PAM: variants seen among roughly 807,000 people sequenced by gnomAD.
PAM encodes peptidyl-glycine alpha-amidating monooxygenase.
In PAM, 72 loss-of-function variants were observed where a neutral mutation model predicts 122.1. The observed-to-expected ratio is 0.59, with a 90% CI of 0.49 to 0.72. PAM has a LOEUF of 0.72. PAM is among the 30% of genes least tolerant of loss of function. The pLI, the probability that PAM is intolerant of heterozygous loss-of-function variation, is 0.00. For missense variants in PAM, 1,106 were observed against 1,183.7 expected (o/e 0.93, Z 0.96); for synonymous variants, 389 against 404.4 (o/e 0.96, Z 0.46).
At chr5:102,857,420 A>T (rs1213022571) in intron 1 of PAM, among the ~76,000 whole-genome samples, 1 of 152,188 alleles carries the variant, frequency 6.6e-6, no homozygotes, top group Non-Finnish European at 1.5e-5. Flanking sequence ...CAGAGCTCAA[A>T]TATGGGGGAG....
At chr5:102,819,999 A>G (rs1223161992) in intron 1 of PAM, among the ~76,000 whole-genome samples, 2 of 152,204 alleles carry the variant, frequency 1.3e-5, no homozygotes, top group Non-Finnish European at 2.9e-5. Context: ...CCTTTAGCTG[A>G]AGGCATCAAA....
At position 102,850,491 on chromosome 5, in the gene PAM, G is replaced by C. The variant is rs1020925858; in HGVS notation, c.-373-15332G>C. Among the ~76,000 whole-genome samples the C allele has an allele frequency of 2.0e-5, 3 of 152,234 alleles. No homozygotes were observed. In the South Asian group the frequency reaches 6.2e-4, roughly 32 times the overall value. On this transcript the variant is annotated intron_variant, in intron 1 of 25. Coordinates refer to ENST00000438793, the MANE Select transcript of PAM (RefSeq NM_001177306.2). The stretch of plus-strand genomic sequence containing the variant: ...TCTAAATTTAAGTCCCTATTAGAGG[G>C]CTGTTCCATAACTTGCCCTCCATCT...
At chr5:102,783,616 C>G (rs146340362) in intron 1 of PAM, among the ~76,000 whole-genome samples, 1 of 152,140 alleles carries the variant, frequency 6.6e-6, no homozygotes, top group Non-Finnish European at 1.5e-5. Flanking sequence ...ATTTTAGGAA[C>G]GAATATATAT....
chr5:102,972,156 A>G (rs2150408976), intron 14 of PAM, among the ~76,000 whole-genome samples: 1 of 152,276 alleles, frequency 6.6e-6, no homozygotes, highest in Middle Eastern at 3.4e-3. Context: ...TTCCTCCATC[A>G]AGATTACCCT....
chr5:102,941,833 C>CAAAAAAAAAAA (rs70990420), intron 7 of PAM, among the ~76,000 whole-genome samples: 1 of 58,376 alleles, frequency 1.7e-5, no homozygotes, highest in Non-Finnish European at 3.1e-5. Context: ...CCAGATGGTA[C>CAAAAAAAAAAA]AAAAAAAAAA....
intron 15 of PAM, among the ~76,000 whole-genome samples, chr5:102,981,783 C>G (rs1769969461): frequency 6.6e-6 from 1 of 152,162 alleles, no homozygotes; most frequent in South Asian, 2.1e-4. Flanking sequence ...CGAATTTTGA[C>G]AACTACATGA....
intron 1 of PAM, among the ~76,000 whole-genome samples, chr5:102,861,436 T>TGA (rs1388092347): frequency 1.3e-5 from 2 of 152,180 alleles, no homozygotes; most frequent in Non-Finnish European, 2.9e-5. Context: ...AAACACTGAT[T>TGA]GAGAGGCATT....
Position 103,028,948 on chromosome 5 carries a change from A to G in PAM, c.2805A>G (p.Arg935=). ...NFFASRKGYS[R]KGFDRLSTEG... is the part of the protein sequence containing the mutation. The stretch of plus-strand genomic sequence containing the variant: ...TTGCAAGCCGTAAGGGCTACAGTCG[A>G]AAAGGGTTTGACCGGCTTAGCACTG... The change falls in exon 26 of 26, where the codon CGA becomes CGG. Residue 935 remains arginine (R), a synonymous_variant. Coordinates refer to ENST00000438793, the MANE Select transcript of PAM (RefSeq NM_001177306.2). 3 of 1,613,722 alleles carry G rather than the reference A, an allele frequency of 1.9e-6. No homozygotes were observed. The highest frequency in any genetic ancestry group is 1.1e-5 in the South Asian group (1 of 91,054).
At chr5:102,761,360 T>C (rs1298332326) in intron 1 of PAM, among the ~76,000 whole-genome samples, 3 of 152,206 alleles carry the variant, frequency 2.0e-5, no homozygotes, top group Non-Finnish European at 2.9e-5. Context: ...CCACAAGTAC[T>C]GGGAAGCAAA....
chr5:102,878,014 T>A (rs567763028), intron 3 of PAM, among the ~76,000 whole-genome samples: 30 of 150,364 alleles, frequency 2.0e-4, no homozygotes, highest in African/African-American at 6.5e-4. Context: ...TATGACAGAG[T>A]GAGACCCTTT....
At chr5:102,847,545 A>G (rs1780256329) in intron 1 of PAM, among the ~76,000 whole-genome samples, 1 of 152,060 alleles carries the variant, frequency 6.6e-6, no homozygotes, top group African/African-American at 2.4e-5. Context: ...AGTGAATGCA[A>G]CTCTTTATTT....
chr5:102,924,435 A>G (rs1748634035), intron 5 of PAM, among the ~76,000 whole-genome samples: 1 of 148,164 alleles, frequency 6.7e-6, no homozygotes, highest in Non-Finnish European at 1.5e-5. Flanking sequence ...CTCCGTCTCA[A>G]AAAAAAAAAA....
intron 1 of PAM, among the ~76,000 whole-genome samples, chr5:102,827,234 A>G (rs1773927319): frequency 6.6e-6 from 1 of 152,206 alleles, no homozygotes; most frequent in African/African-American, 2.4e-5. Context: ...TTGAGTACTG[A>G]CAGCTCAAAG....
intron 1 of PAM, among the ~76,000 whole-genome samples, chr5:102,857,847 G>A (rs1409355773): frequency 6.6e-6 from 1 of 152,138 alleles, no homozygotes; most frequent in African/African-American, 2.4e-5. Context: ...CAAGAAAATG[G>A]TATTCAAAGG....
At chr5:102,823,610 G>A (rs543468804) in intron 1 of PAM, among the ~76,000 whole-genome samples, 6 of 152,290 alleles carry the variant, frequency 3.9e-5, no homozygotes, top group Admixed American at 3.9e-4. Context: ...TTAAAACCAA[G>A]TAATCTTAGA....
chr5:102,940,377 CAG>C (rs569153889), intron 7 of PAM, among the ~76,000 whole-genome samples: 262 of 150,382 alleles, frequency 1.7e-3, no homozygotes, highest in African/African-American at 5.9e-3. Context: ...CAGGGAAAAA[CAG>C]ATAATAATTG....
intron 1 of PAM, among the ~76,000 whole-genome samples, chr5:102,809,709 T>A (rs920596195): frequency 6.6e-6 from 1 of 152,168 alleles, no homozygotes; most frequent in Admixed American, 6.5e-5. Flanking sequence ...CTACAAAGAA[T>A]CAGTGAGAAG....
chr5:102,950,854 T>C (rs1377177301), intron 12 of PAM, 34 bp downstream of exon 12: 6 of 1,258,470 alleles, frequency 4.8e-6, no homozygotes, highest in Non-Finnish European at 7.0e-6. Flanking sequence ...TTTAAAGATA[T>C]TTTATTGGGA....
chr5:102,951,354 A>G (rs1758824587), intron 12 of PAM, among the ~76,000 whole-genome samples: 1 of 152,118 alleles, frequency 6.6e-6, no homozygotes, highest in Non-Finnish European at 1.5e-5. Flanking sequence ...TGAAATAATT[A>G]TATTCTATAA....
Sources: gnomAD v4.1 joint callset for allele counts (sites outside exome capture counted in the v4.1 genomes callset) on GRCh38, gnomAD v4.1.1 for gene constraint, MANE v1.5 for transcripts, NCBI Gene and HGNC (gene_info 2026-07-23, HGNC 2026-07-21) for gene names.